SART3: variants seen among roughly 807,000 people sequenced by gnomAD.
The protein encoded by SART3 is spliceosome associated factor 3, U4/U6 recycling protein, also known as HIV-1 Tat-interacting protein of 110kDa.
A neutral mutation model predicts 122.3 loss-of-function variants in SART3; 44 were observed. The observed-to-expected ratio is 0.36, with a 90% CI of 0.28 to 0.46. The LOEUF is 0.46. Ranked by LOEUF, SART3 falls within the 20% of genes least tolerant of loss-of-function variation. The pLI, the probability that SART3 is intolerant of heterozygous loss-of-function variation, is 1.00. For missense variants in SART3, 1,101 were observed against 1,229.0 expected, an observed-to-expected ratio of 0.90 and a Z score of 1.56; for synonymous variants, 442 against 454.0, an observed-to-expected ratio of 0.97 and a Z score of 0.34.
At chr12:108,540,042 T>C (rs1240082918) in intron 6 of SART3, among the ~76,000 whole-genome samples, 1 of 152,042 alleles carries the variant, frequency 6.6e-6, no homozygotes, top group Non-Finnish European at 1.5e-5. Flanking sequence ...ATCCTATTGT[T>C]GGCAAAGAAA....
intron 3 of SART3, among the ~76,000 whole-genome samples, chr12:108,545,972 A>AG (rs1232661562): frequency 2.0e-5 from 3 of 151,566 alleles, no homozygotes; most frequent in Non-Finnish European, 4.4e-5. Flanking sequence ...TCTCTCAAAA[A>AG]AAAAAAAAAA....
intron 3 of SART3, 31 bp downstream of exon 3, chr12:108,547,856 A>G (rs1200843502): frequency 1.3e-6 from 2 of 1,513,856 alleles, no homozygotes; most frequent in African/African-American, 2.7e-5. Context: ...TGACATTGCC[A>G]GATATCCAAA....
Position 108,523,384 on chromosome 12 carries a change from G to C in SART3, c.*73C>G. The C allele has an allele frequency of 6.6e-7, 1 of 1,504,528 alleles. No homozygotes were observed. The highest frequency in any genetic ancestry group is 9.2e-7 in the Non-Finnish European group (1 of 1,082,096). The allele number at this position is 1,504,528 out of a possible 1,614,324, so 93.2% of individuals were successfully genotyped here. Reference sequence around the variant, plus strand: ...AGCACACCAGGCCTGTCCATCCCCAGTGCACTGCTGGGTGGTGGGAGGTCC... The same window carrying C: ...AGCACACCAGGCCTGTCCATCCCCACTGCACTGCTGGGTGGTGGGAGGTCC... On this transcript the variant is annotated 3_prime_UTR_variant, in exon 19 of 19. Coordinates refer to ENST00000546815, the MANE Select transcript of SART3 (RefSeq NM_014706.4).
At chr12:108,558,063 G>A (rs2030308716) in intron 1 of SART3, among the ~76,000 whole-genome samples, 1 of 152,074 alleles carries the variant, frequency 6.6e-6, no homozygotes, top group African/African-American at 2.4e-5. Context: ...GAGATACTTT[G>A]GAGGATGAGC....
chr12:108,524,700 C>T (rs1215575135), intron 17 of SART3, 194 bp from the exon 18 acceptor site: 6 of 631,214 alleles, frequency 9.5e-6, no homozygotes, highest in Admixed American at 2.4e-5. Context: ...CTCTCCTTCC[C>T]GAGTGCTGCT....
chr12:108,544,927 T>G, intron 4 of SART3: 2 of 626,470 alleles, frequency 3.2e-6, no homozygotes, highest in South Asian at 1.9e-5. Flanking sequence ...CTAAAAAAAT[T>G]TATACGACCT....
chr12:108,543,641 G>T (rs74392210), intron 5 of SART3, among the ~76,000 whole-genome samples: 6 of 152,154 alleles, frequency 3.9e-5, no homozygotes, highest in Admixed American at 1.3e-4. Flanking sequence ...TCTGCAAGCC[G>T]GCTCAGCTCT....
At chr12:108,556,574 C>T (rs79060449) in intron 1 of SART3, among the ~76,000 whole-genome samples, 4 of 152,216 alleles carry the variant, frequency 2.6e-5, no homozygotes, top group African/African-American at 4.8e-5. Flanking sequence ...GATGATCACA[C>T]GATAGGCTGA....
chr12:108,524,593 C>T (rs1233620001), intron 17 of SART3, 87 bp from the exon 18 acceptor site: 32 of 1,288,350 alleles, frequency 2.5e-5, no homozygotes, highest in Non-Finnish European at 3.5e-5. Flanking sequence ...GGGCTTCCTC[C>T]CGGAGACCAG....
chr12:108,543,299 G>T, intron 5 of SART3, 147 bp from the exon 6 acceptor site: 2 of 933,326 alleles, frequency 2.1e-6, no homozygotes, highest in Non-Finnish European at 3.2e-6. Context: ...GATTTCTGCT[G>T]AGCCCAAACC....
intron 12 of SART3, 120 bp from the exon 13 acceptor site, chr12:108,532,454 CCTT>C (rs1872721193): frequency 1.3e-6 from 1 of 765,630 alleles, no homozygotes; most frequent in Admixed American, 2.0e-5. Flanking sequence ...TCTGAGAAGA[CCTT>C]AGCTTTCAGA....
intron 15 of SART3, among the ~76,000 whole-genome samples, chr12:108,529,115 T>G (rs571852322): frequency 8.5e-5 from 13 of 152,124 alleles, no homozygotes; most frequent in African/African-American, 3.1e-4. Flanking sequence ...AAAGCGAGAC[T>G]CTGTCTCAAA....
intron 15 of SART3, 122 bp downstream of exon 15, chr12:108,530,018 CAG>C: frequency 1.8e-6 from 2 of 1,109,838 alleles, no homozygotes; most frequent in Non-Finnish European, 2.7e-6. Context: ...TACACCCTAA[CAG>C]TGATCAAAGG....
intron 6 of SART3, among the ~76,000 whole-genome samples, chr12:108,539,374 G>C (rs569508257): frequency 3.3e-5 from 5 of 152,224 alleles, no homozygotes; most frequent in Non-Finnish European, 5.9e-5. Flanking sequence ...ATCAGGAACT[G>C]AGTGAAAGAG....
chr12:108,547,765 C>T (rs1273325247), intron 3 of SART3, 122 bp downstream of exon 3: 1 of 718,372 alleles, frequency 1.4e-6, no homozygotes, highest in Non-Finnish European at 2.5e-6. Context: ...CAACTTAAAT[C>T]TTGCTAATTG....
At chr12:108,556,169 G>A (rs1201232205) in intron 1 of SART3, among the ~76,000 whole-genome samples, 1 of 151,746 alleles carries the variant, frequency 6.6e-6, no homozygotes, top group East Asian at 1.9e-4. Flanking sequence ...ACAAATCACT[G>A]CAGCCTCAAA....
rs1276495904 is a variant in SART3, at chr12:108,547,312, GA to G, written c.544+574del. On this transcript the variant is annotated intron_variant, in intron 3 of 18. Coordinates refer to ENST00000546815, the MANE Select transcript of SART3 (RefSeq NM_014706.4). Reference sequence around the variant, plus strand: ...AGCAGGCGAGGGAGGTCTCTGTGGGGACAGAACAGCTCTGTATCTGGACTGC... The same window carrying G: ...AGCAGGCGAGGGAGGTCTCTGTGGGGCAGAACAGCTCTGTATCTGGACTGC... Among the ~76,000 whole-genome samples, 6 of 152,192 alleles carry G rather than the reference GA, an allele frequency of 3.9e-5. No homozygotes were observed. In the South Asian group the frequency reaches 6.2e-4, roughly 16 times the overall value.
chr12:108,543,594 A>G (rs1036820093), intron 5 of SART3, among the ~76,000 whole-genome samples: 1 of 152,174 alleles, frequency 6.6e-6, no homozygotes, highest in African/African-American at 2.4e-5. Context: ...TCGCACTCTA[A>G]TCATTATGCT....
intron 15 of SART3, among the ~76,000 whole-genome samples, chr12:108,529,412 C>T (rs974972641): frequency 5.9e-5 from 9 of 152,158 alleles, no homozygotes; most frequent in African/African-American, 2.2e-4. Context: ...TCAAAGGAAC[C>T]TTGGAGAAAT....
Sources: gnomAD v4.1 joint callset for allele counts (sites outside exome capture counted in the v4.1 genomes callset) on GRCh38, gnomAD v4.1.1 for gene constraint, MANE v1.5 for transcripts, NCBI Gene and HGNC (gene_info 2026-07-23, HGNC 2026-07-21) for gene names.